PTPRD: variants seen among roughly 807,000 people sequenced by gnomAD.
PTPRD encodes receptor-type tyrosine-protein phosphatase delta.
In PTPRD, 34 loss-of-function variants were observed where a neutral mutation model predicts 214.5. That is an observed-to-expected ratio of 0.16 (90% CI 0.12 to 0.21). The LOEUF is 0.21. PTPRD is among the 10% of genes least tolerant of loss of function. PTPRD has a pLI of 1.00. For synonymous variants in PTPRD, 1,128 were observed against 845.7 expected (o/e 1.33, Z -5.79); for missense variants, 2,545 against 2,398.7 (o/e 1.06, Z -1.27).
chr9:9,860,665 A>C (rs2062535913), intron 5 of PTPRD, among the ~76,000 whole-genome samples: 1 of 152,218 alleles, frequency 6.6e-6, no homozygotes, highest in African/African-American at 2.4e-5. Context: ...TGAATGGTGA[A>C]GCAGAATATG....
chr9:9,949,696 T>A (rs1436127154), intron 4 of PTPRD, among the ~76,000 whole-genome samples: 2 of 151,730 alleles, frequency 1.3e-5, no homozygotes, highest in Non-Finnish European at 2.9e-5. Context: ...ACAAACAAAC[T>A]AACAACAACA....
chr9:9,284,240 G>C (rs1478419444), intron 9 of PTPRD, among the ~76,000 whole-genome samples: 1 of 151,604 alleles, frequency 6.6e-6, no homozygotes, highest in Non-Finnish European at 1.5e-5. Flanking sequence ...TTGACCTGTA[G>C]GTTCAGCTTA....
At chr9:8,389,895 C>A in intron 36 of PTPRD, among the ~76,000 whole-genome samples, 1 of 152,158 alleles carries the variant, frequency 6.6e-6, no homozygotes, top group South Asian at 2.1e-4. Context: ...TTAATATTTA[C>A]AACAACTCTG....
intron 3 of PTPRD, among the ~76,000 whole-genome samples, chr9:10,274,596 A>T (rs1325220362): frequency 1.3e-5 from 2 of 152,190 alleles, no homozygotes; most frequent in Admixed American, 1.3e-4. Flanking sequence ...TTGGGCTTGC[A>T]TTCACCACCT....
chr9:10,349,774 T>C (rs12346971), intron 2 of PTPRD, among the ~76,000 whole-genome samples: 36,151 of 152,102 alleles, frequency 0.24, 4,461 homozygotes, highest in African/African-American at 0.3. Flanking sequence ...GTCCACATGA[T>C]AATTCTAAGT....
In PTPRD at chr9:9,845,152, CTATATATAGAGCAA is replaced by C. The variant is rs1416862266; in HGVS notation, c.-367-78315_-367-78302del. On this transcript the variant is annotated intron_variant, in intron 5 of 45. Transcript: ENST00000381196. ...TAGAGCAATATATATATATATTGCT[CTATATATAGAGCAA>C]TATATATATATATATTGCTCTATAT... Among the ~76,000 whole-genome samples, 18 of 7,916 alleles carry C rather than the reference CTATATATAGAGCAA, an allele frequency of 2.3e-3. 1 individual carries two copies. Among genetic ancestry groups the C allele is most frequent in the African/African-American group, 5.0e-3 (18 of 3,612 alleles). The allele number at this position is 7,916 out of a possible 152,430, so 5.2% of individuals were successfully genotyped here.
intron 2 of PTPRD, among the ~76,000 whole-genome samples, chr9:10,401,172 G>A (rs922103933): frequency 1.3e-5 from 2 of 151,652 alleles, no homozygotes; most frequent in Admixed American, 6.6e-5. Context: ...AAAAATGACC[G>A]TTTTCTTTTT....
intron 8 of PTPRD, among the ~76,000 whole-genome samples, chr9:9,437,992 T>C (rs988066015): frequency 8.5e-5 from 13 of 152,190 alleles, no homozygotes; most frequent in Non-Finnish European, 1.9e-4. Flanking sequence ...GCGAGGCCTG[T>C]GAAGAGAGGG....
intron 2 of PTPRD, among the ~76,000 whole-genome samples, chr9:10,510,634 C>T (rs1414553): frequency 0.13 from 19,749 of 152,052 alleles, 1,570 homozygotes; most frequent in Non-Finnish European, 0.18. Context: ...TTAACATGAG[C>T]ATGCAAGGTG....
At chr9:9,305,929 C>A (rs1186315012) in intron 9 of PTPRD, among the ~76,000 whole-genome samples, 1 of 151,784 alleles carries the variant, frequency 6.6e-6, no homozygotes, top group East Asian at 1.9e-4. Flanking sequence ...CCTGCTGAAA[C>A]CTTGATTTTG....
intron 2 of PTPRD, among the ~76,000 whole-genome samples, chr9:10,461,241 G>C (rs2098956223): frequency 8.6e-6 from 1 of 116,290 alleles, no homozygotes; most frequent in African/African-American, 3.3e-5. Context: ...GAGATAACAG[G>C]TGTTGGTAAG....
chr9:9,491,695 G>A (rs2095906496), intron 8 of PTPRD, among the ~76,000 whole-genome samples: 2 of 151,842 alleles, frequency 1.3e-5, no homozygotes, highest in African/African-American at 2.4e-5. Context: ...TGGGCCAAAG[G>A]AGAAATCAGA....
At chr9:9,782,566 G>C (rs1359049661) in intron 5 of PTPRD, among the ~76,000 whole-genome samples, 1 of 152,104 alleles carries the variant, frequency 6.6e-6, no homozygotes, top group Admixed American at 6.6e-5. Flanking sequence ...CATAAAACTG[G>C]ACTCCCTCAA....
intron 5 of PTPRD, among the ~76,000 whole-genome samples, chr9:9,863,358 G>A (rs186741133): frequency 9.2e-5 from 14 of 152,232 alleles, no homozygotes; most frequent in Admixed American, 2.0e-4. Context: ...TTTCTAGCTC[G>A]ACACCCGACA....
Position 10,238,804 on chromosome 9 carries a change from G to C in PTPRD, c.-545+102159C>G, listed in dbSNP as rs141132959. On this transcript the variant is annotated intron_variant, in intron 3 of 45. Coordinates refer to ENST00000381196, the MANE Select transcript of PTPRD (RefSeq NM_002839.4). Reference sequence around the variant, plus strand: ...ACAAAAGTTGGGATAATTGAATAATGTTTAAGGTGAAATGGAATTTTTATT... The same window carrying C: ...ACAAAAGTTGGGATAATTGAATAATCTTTAAGGTGAAATGGAATTTTTATT... Among the ~76,000 whole-genome samples the C allele has an allele frequency of 8.5e-3, 1,291 of 152,034 alleles. 18 individuals carry two copies. Among genetic ancestry groups the C allele is most frequent in the African/African-American group, 0.029 (1,212 of 41,502 alleles).
intron 11 of PTPRD, among the ~76,000 whole-genome samples, chr9:8,755,406 G>A (rs1189025389): frequency 4.0e-5 from 6 of 151,642 alleles, no homozygotes; most frequent in Admixed American, 3.9e-4. Context: ...GTGCATGCCT[G>A]TAATCCCAGC....
intron 10 of PTPRD, among the ~76,000 whole-genome samples, chr9:9,088,631 G>A (rs1301156684): frequency 7.0e-6 from 1 of 143,264 alleles, no homozygotes; most frequent in African/African-American, 2.6e-5. Flanking sequence ...TGCAGTAGAT[G>A]GTCTCAAAGG....
At chr9:10,295,645 A>G (rs1440174060) in intron 3 of PTPRD, among the ~76,000 whole-genome samples, 1 of 152,050 alleles carries the variant, frequency 6.6e-6, no homozygotes, top group Non-Finnish European at 1.5e-5. Flanking sequence ...CAATATATCC[A>G]TATTCTATTT....
At chr9:10,210,379 G>T (rs2099509904) in intron 3 of PTPRD, among the ~76,000 whole-genome samples, 1 of 152,002 alleles carries the variant, frequency 6.6e-6, no homozygotes, top group East Asian at 1.9e-4. Flanking sequence ...ATTTTCATAG[G>T]TATCCAGAAA....
Sources: allele counts gnomAD v4.1 joint callset (sites outside exome capture counted in the v4.1 genomes callset), GRCh38; gene constraint gnomAD v4.1.1; transcripts MANE v1.5; gene names NCBI Gene and HGNC (gene_info 2026-07-23, HGNC 2026-07-21).